ANKFN1: variants seen among roughly 807,000 people sequenced by gnomAD.
ANKFN1 encodes ankyrin repeat and fibronectin type III domain containing 1.
A neutral mutation model predicts 108.7 loss-of-function variants in ANKFN1; 74 were observed. That is an observed-to-expected ratio of 0.68 (90% CI 0.56 to 0.83). The LOEUF (loss-of-function observed/expected upper bound fraction) is 0.83. Among genes scored for constraint, ANKFN1 ranks in the 40% least tolerant of loss-of-function variants. The pLI, the probability that ANKFN1 is intolerant of heterozygous loss-of-function variation, is 0.00. For missense variants in ANKFN1, 1,505 were observed against 1,382.3 expected, an observed-to-expected ratio of 1.09 and a Z score of -1.41; for synonymous variants, 547 against 516.2, an observed-to-expected ratio of 1.06 and a Z score of -0.81.
chr17:56,355,899 C>T (rs2046363466), intron 6 of ANKFN1, among the ~76,000 whole-genome samples: 1 of 152,140 alleles, frequency 6.6e-6, no homozygotes, highest in Non-Finnish European at 1.5e-5. Context: ...TTTAGAGCTT[C>T]ATTGCCCTGA....
intron 3 of ANKFN1, among the ~76,000 whole-genome samples, chr17:56,321,485 G>T (rs2045366318): frequency 6.7e-6 from 1 of 150,240 alleles, no homozygotes; most frequent in South Asian, 2.1e-4. Context: ...AATCTTCGCT[G>T]AAAAAAAAGT....
At chr17:56,344,666 G>T (rs2046049001) in intron 4 of ANKFN1, among the ~76,000 whole-genome samples, 1 of 148,162 alleles carries the variant, frequency 6.7e-6, no homozygotes, top group Non-Finnish European at 1.5e-5. Flanking sequence ...TTTTTGGAAA[G>T]AAAAAAAAAC....
chr17:56,132,426 A>T (rs1204996900), intron 4 of ANKFN1, among the ~76,000 whole-genome samples: 1 of 152,114 alleles, frequency 6.6e-6, no homozygotes, highest in Non-Finnish European at 1.5e-5. Flanking sequence ...CCCCACTGTA[A>T]TAAGTTATCT....
intron 4 of ANKFN1, among the ~76,000 whole-genome samples, chr17:56,124,538 G>A (rs764495929): frequency 2.0e-5 from 3 of 152,304 alleles, no homozygotes; most frequent in East Asian, 1.9e-4. Context: ...TGGATTTAGT[G>A]TATGCTGGGA....
chr17:56,091,620 C>T (rs1471402506), intron 4 of ANKFN1, among the ~76,000 whole-genome samples: 1 of 151,404 alleles, frequency 6.6e-6, no homozygotes, highest in Non-Finnish European at 1.5e-5. Context: ...GAAGTGAACA[C>T]TGTGTTCAAA....
At chr17:56,201,433 T>C (rs1914052315) in intron 1 of ANKFN1, among the ~76,000 whole-genome samples, 1 of 152,218 alleles carries the variant, frequency 6.6e-6, no homozygotes, top group Non-Finnish European at 1.5e-5. Context: ...CTTGTTATCA[T>C]TGTATATCCA....
Position 56,496,258 on chromosome 17 carries a change from A to T in ANKFN1, c.2428-2624A>T, listed in dbSNP as rs182338549. Among the ~76,000 whole-genome samples, 152 of 152,256 alleles carry T rather than the reference A, an allele frequency of 1.0e-3. 2 individuals carry two copies. The highest frequency in any genetic ancestry group is 2.5e-4 in the Non-Finnish European group (17 of 67,996). ...GTAAATATTGTTTCTACATACTTTTAAAAAAATTTCTACGCTAAATCCCTC... is the reference window on the plus strand; with the variant it reads ...GTAAATATTGTTTCTACATACTTTTTAAAAAATTTCTACGCTAAATCCCTC... On this transcript the variant is annotated intron_variant, in intron 19 of 20. Coordinates refer to ENST00000682825, the MANE Select transcript of ANKFN1 (RefSeq NM_001370326.1).
rs550129833 is a variant in ANKFN1 at position 56,301,636 on chromosome 17, A to G, written c.54-24585A>G. 3.9e-5 allele frequency among the ~76,000 whole-genome samples: 6 copies of G among 152,344 alleles called. No homozygotes were observed. In the South Asian group the frequency reaches 8.3e-4, roughly 21 times the overall value. On this transcript the variant is annotated intron_variant, in intron 3 of 20. Transcript: ENST00000682825. ...CACCTAGCCCCATTTAGCTGGATTT[A>G]CTGAATGATGAAGACACAGAGCTTT...
At chr17:56,116,141 T>G (rs554481040) in intron 4 of ANKFN1, among the ~76,000 whole-genome samples, 25 of 152,282 alleles carry the variant, frequency 1.6e-4, no homozygotes, top group African/African-American at 5.8e-4. Flanking sequence ...TTTTTTCAGC[T>G]TTCTTAATGT....
At chr17:56,182,798 C>T (rs998215041) in intron 1 of ANKFN1, among the ~76,000 whole-genome samples, 4 of 152,156 alleles carry the variant, frequency 2.6e-5, no homozygotes, top group African/African-American at 9.6e-5. Flanking sequence ...CAATGCCTGG[C>T]TTCAAAGGAC....
At chr17:56,118,473 A>T (rs1220502719) in intron 4 of ANKFN1, among the ~76,000 whole-genome samples, 1 of 152,160 alleles carries the variant, frequency 6.6e-6, no homozygotes. Context: ...ATATCTTAGA[A>T]TCTGTGATAT....
intron 4 of ANKFN1, among the ~76,000 whole-genome samples, chr17:56,132,407 A>C (rs8082496): frequency 0.59 from 89,482 of 151,730 alleles, 26,945 homozygotes; most frequent in East Asian, 0.81. Context: ...CCTCTTGCAA[A>C]TGTGAAGGCC....
At chr17:56,266,547 TC>T in intron 3 of ANKFN1, among the ~76,000 whole-genome samples, 1 of 152,338 alleles carries the variant, frequency 6.6e-6, no homozygotes, top group East Asian at 1.9e-4. Flanking sequence ...AGCCTATCTA[TC>T]CCTGTGTAAG....
At chr17:56,421,723 A>C (rs2145057863) in intron 8 of ANKFN1, among the ~76,000 whole-genome samples, 1 of 152,274 alleles carries the variant, frequency 6.6e-6, no homozygotes, top group Non-Finnish European at 1.5e-5. Flanking sequence ...ACCCTTCAAA[A>C]GTTTGTCAAG....
At chr17:56,405,720 T>C (rs2047901413) in intron 8 of ANKFN1, among the ~76,000 whole-genome samples, 1 of 152,156 alleles carries the variant, frequency 6.6e-6, no homozygotes, top group African/African-American at 2.4e-5. Context: ...TAAAAAAGAA[T>C]GTGGGATCTC....
chr17:56,474,978 A>G (rs925591832), intron 15 of ANKFN1, among the ~76,000 whole-genome samples: 1 of 152,144 alleles, frequency 6.6e-6, no homozygotes, highest in African/African-American at 2.4e-5. Context: ...GCTTTTCTGC[A>G]CATGCTCATT....
intron 4 of ANKFN1, among the ~76,000 whole-genome samples, chr17:56,347,238 A>G (rs1378864142): frequency 6.6e-6 from 1 of 152,004 alleles, no homozygotes; most frequent in Admixed American, 6.6e-5. Flanking sequence ...ACAAGCAATA[A>G]AACTATTTAA....
chr17:56,435,434 A>T (rs2048899887), intron 8 of ANKFN1, among the ~76,000 whole-genome samples: 1 of 152,254 alleles, frequency 6.6e-6, no homozygotes, highest in Admixed American at 6.5e-5. Flanking sequence ...ATTGGCAAGG[A>T]TGATTCCCTT....
chr17:56,493,625 G>A (rs2051108252), intron 19 of ANKFN1, among the ~76,000 whole-genome samples: 1 of 152,030 alleles, frequency 6.6e-6, no homozygotes, highest in African/African-American at 2.4e-5. Flanking sequence ...TAGGCAGTAG[G>A]GAGCTACCCA....
Sources: allele counts gnomAD v4.1 joint callset (sites outside exome capture counted in the v4.1 genomes callset), GRCh38; gene constraint gnomAD v4.1.1; transcripts MANE v1.5; gene names NCBI Gene and HGNC (gene_info 2026-07-23, HGNC 2026-07-21).